PTPRD: variants seen among roughly 807,000 people sequenced by gnomAD.
PTPRD encodes protein tyrosine phosphatase receptor type D.
In PTPRD, 34 loss-of-function variants were observed where a neutral mutation model predicts 214.5. The observed-to-expected ratio is 0.16, with a 90% confidence interval of 0.12 to 0.21. PTPRD has a LOEUF of 0.21. PTPRD is among the 10% of genes least tolerant of loss of function. PTPRD has a pLI of 1.00. For missense variants in PTPRD, 2,545 were observed against 2,398.7 expected, an observed-to-expected ratio of 1.06 and a Z score of -1.27; for synonymous variants, 1,128 against 845.7, an observed-to-expected ratio of 1.33 and a Z score of -5.79.
At chr9:9,597,262 G>T (rs969084321) in intron 7 of PTPRD, among the ~76,000 whole-genome samples, 6 of 151,880 alleles carry the variant, frequency 4.0e-5, no homozygotes, top group African/African-American at 1.4e-4. Context: ...CATCAAAGTG[G>T]GAAAGGGAAA....
chr9:9,558,796 C>A (rs571127759), intron 8 of PTPRD, among the ~76,000 whole-genome samples: 7 of 152,288 alleles, frequency 4.6e-5, no homozygotes, highest in African/African-American at 1.7e-4. Flanking sequence ...CCCAGGTAGA[C>A]CTATCTGTAT....
At chr9:9,869,951 G>C (rs913260489) in intron 5 of PTPRD, among the ~76,000 whole-genome samples, 1 of 152,058 alleles carries the variant, frequency 6.6e-6, no homozygotes, top group Non-Finnish European at 1.5e-5. Flanking sequence ...TGTAAAGTTT[G>C]TCCATAGCAC....
chr9:9,494,693 A>C (rs1437067047), intron 8 of PTPRD, among the ~76,000 whole-genome samples: 2 of 152,234 alleles, frequency 1.3e-5, no homozygotes, highest in Non-Finnish European at 2.9e-5. Context: ...AATATGCCTC[A>C]TGTTAATGGA....
chr9:9,376,386 CA>C (rs926391781), intron 9 of PTPRD, among the ~76,000 whole-genome samples: 1 of 152,050 alleles, frequency 6.6e-6, no homozygotes, highest in Non-Finnish European at 1.5e-5. Flanking sequence ...TACTAAAAAC[CA>C]AACCTTCCTC....
chr9:9,629,092 T>C (rs1474405894), intron 7 of PTPRD, among the ~76,000 whole-genome samples: 2 of 151,672 alleles, frequency 1.3e-5, no homozygotes, highest in East Asian at 3.9e-4. Context: ...GAGAATCACT[T>C]GAACCCGGGA....
At chr9:8,623,631 C>T (rs2095891332) in intron 14 of PTPRD, among the ~76,000 whole-genome samples, 1 of 151,858 alleles carries the variant, frequency 6.6e-6, no homozygotes, top group African/African-American at 2.4e-5. Context: ...CTCACATTTC[C>T]TGAGTGCCTA....
intron 3 of PTPRD, among the ~76,000 whole-genome samples, chr9:10,337,968 A>C (rs569737775): frequency 6.6e-6 from 1 of 151,664 alleles, no homozygotes; most frequent in African/African-American, 2.4e-5. Context: ...CTAATATAAA[A>C]TTTTTTTTAA....
intron 11 of PTPRD, among the ~76,000 whole-genome samples, chr9:8,822,760 G>A (rs1028999200): frequency 6.6e-6 from 1 of 152,054 alleles, no homozygotes; most frequent in Non-Finnish European, 1.5e-5. Flanking sequence ...CCAAGGTCCC[G>A]CAGCTGACAA....
intron 4 of PTPRD, among the ~76,000 whole-genome samples, chr9:10,008,635 ATCCT>A (rs1309596295): frequency 8.0e-4 from 121 of 152,088 alleles, no homozygotes; most frequent in Non-Finnish European, 1.3e-3. Context: ...TTCCTGTCTC[ATCCT>A]TCCTTATTTC....
chr9:9,498,971 T>A (rs2096299041), intron 8 of PTPRD, among the ~76,000 whole-genome samples: 1 of 151,998 alleles, frequency 6.6e-6, no homozygotes, highest in Non-Finnish European at 1.5e-5. Flanking sequence ...CTCTCTCACT[T>A]GCTCTTGCTG....
intron 9 of PTPRD, among the ~76,000 whole-genome samples, chr9:9,313,453 C>T (rs1960401423): frequency 6.6e-6 from 1 of 152,060 alleles, no homozygotes; most frequent in Non-Finnish European, 1.5e-5. Context: ...AGATACAGAA[C>T]AAGAAACTTG....
At chr9:9,393,525 C>G (rs1452121739) in intron 9 of PTPRD, among the ~76,000 whole-genome samples, 1 of 152,166 alleles carries the variant, frequency 6.6e-6, no homozygotes, top group Non-Finnish European at 1.5e-5. Context: ...CATGAGATCC[C>G]TATTGACACT....
At chr9:9,183,146 G>A (rs543613498) in intron 10 of PTPRD, among the ~76,000 whole-genome samples, 158 bp downstream of exon 10, 1 of 152,052 alleles carries the variant, frequency 6.6e-6, no homozygotes, top group African/African-American at 2.4e-5. Flanking sequence ...CTATAGTAAA[G>A]AATAACTCAA....
chr9:10,568,326 A>G (rs1205952913), intron 2 of PTPRD, among the ~76,000 whole-genome samples: 1 of 152,050 alleles, frequency 6.6e-6, no homozygotes, highest in Admixed American at 6.6e-5. Flanking sequence ...ATAGTATTCC[A>G]TGGTGTATAT....
At position 8,580,466 on chromosome 9, in the gene PTPRD, T is replaced by C. The variant is rs116752679; in HGVS notation, c.353-51687A>G. 6.1e-3 allele frequency among the ~76,000 whole-genome samples: 930 copies of C among 152,342 alleles called. 8 individuals are homozygous for C. Among genetic ancestry groups the C allele is most frequent in the African/African-American group, 0.021 (883 of 41,578 alleles). On this transcript the variant is annotated intron_variant, in intron 14 of 45. Coordinates refer to ENST00000381196, the MANE Select transcript of PTPRD (RefSeq NM_002839.4). ...TCTTTGGTTTTAAATATATGCTATA[T>C]ATGCTGCCGTCTGCAGACCCTGATG...
intron 10 of PTPRD, among the ~76,000 whole-genome samples, chr9:9,128,950 TAATA>T (rs2099838356): frequency 6.6e-6 from 1 of 152,230 alleles, no homozygotes; most frequent in African/African-American, 2.4e-5. Flanking sequence ...ATGAAAGTCA[TAATA>T]AATGAATACT....
chr9:10,486,112 T>A (rs1357680373), intron 2 of PTPRD, among the ~76,000 whole-genome samples: 1 of 152,028 alleles, frequency 6.6e-6, no homozygotes, highest in Non-Finnish European at 1.5e-5. Flanking sequence ...ATTGCAAAAA[T>A]TTTCTCCCAT....
At chr9:9,374,034 C>T (rs1030207499) in intron 9 of PTPRD, among the ~76,000 whole-genome samples, 6 of 151,794 alleles carry the variant, frequency 4.0e-5, no homozygotes, top group African/African-American at 1.5e-4. Context: ...ACAATTAACA[C>T]ATCTACTAGA....
intron 12 of PTPRD, among the ~76,000 whole-genome samples, chr9:8,657,369 A>G (rs1475644994): frequency 1.3e-5 from 2 of 151,910 alleles, no homozygotes; most frequent in Non-Finnish European, 2.9e-5. Context: ...GGGTTTCACT[A>G]TGTTGGCCAG....
Sources: gnomAD v4.1 joint callset for allele counts (sites outside exome capture counted in the v4.1 genomes callset) on GRCh38, gnomAD v4.1.1 for gene constraint, MANE v1.5 for transcripts, NCBI Gene and HGNC (gene_info 2026-07-23, HGNC 2026-07-21) for gene names.